TOX3: variants seen among roughly 807,000 people sequenced by gnomAD.
TOX3 encodes CAG trinucleotide repeat-containing gene F9 protein.
Under a neutral mutation model 64.3 loss-of-function variants are expected in TOX3, and 22 were observed. The observed-to-expected ratio is 0.34, with a 90% CI of 0.24 to 0.49. TOX3 has a LOEUF of 0.49. TOX3 is among the 20% of genes least tolerant of loss of function. The probability of loss-of-function intolerance (pLI) is 0.99; values close to 1 mark genes in which losing one functional copy is unlikely to be tolerated. For missense variants in TOX3, 661 were observed against 714.4 expected (o/e 0.93, Z 0.85); for synonymous variants, 291 against 273.6 (o/e 1.06, Z -0.63).
chr16:52,444,136 T>C, intron 6 of TOX3, 140 bp downstream of exon 6: 1 of 574,668 alleles, frequency 1.7e-6, no homozygotes, highest in Non-Finnish European at 3.0e-6. Context: ...TAATCTCTAA[T>C]GGAAACGCCT....
intron 1 of TOX3, among the ~76,000 whole-genome samples, chr16:52,499,316 C>T (rs773267921): frequency 6.6e-6 from 1 of 152,206 alleles, no homozygotes; most frequent in Non-Finnish European, 1.5e-5. Context: ...AAAACCCAGT[C>T]CTTGCAAATT....
chr16:52,532,648 C>T (rs1016278194), intron 1 of TOX3, among the ~76,000 whole-genome samples: 10 of 152,124 alleles, frequency 6.6e-5, no homozygotes, highest in African/African-American at 2.4e-4. Context: ...GTTTATCACT[C>T]GCGATAGATA....
chr16:52,444,127 A>C, intron 6 of TOX3, 149 bp downstream of exon 6: 1 of 532,096 alleles, frequency 1.9e-6, no homozygotes, highest in Non-Finnish European at 3.3e-6. Flanking sequence ...TCACTTGGGT[A>C]ATCTCTAATG....
intron 1 of TOX3, among the ~76,000 whole-genome samples, chr16:52,541,715 T>A (rs1344428162): frequency 6.6e-6 from 1 of 152,214 alleles, no homozygotes. Context: ...ATTGACTTCA[T>A]TTGAAATGAC....
intron 1 of TOX3, among the ~76,000 whole-genome samples, chr16:52,481,420 C>G (rs1451284304): frequency 1.3e-5 from 2 of 152,110 alleles, no homozygotes; most frequent in Non-Finnish European, 2.9e-5. Context: ...TAAATTCTTC[C>G]TTAAGTATTA....
intron 1 of TOX3, among the ~76,000 whole-genome samples, chr16:52,520,117 G>A (rs999610781): frequency 5.9e-5 from 9 of 152,018 alleles, no homozygotes; most frequent in Admixed American, 1.3e-4. Flanking sequence ...ATGAAATATG[G>A]GTATATAAAA....
At chr16:52,533,577 C>A (rs905451583) in intron 1 of TOX3, among the ~76,000 whole-genome samples, 2 of 152,164 alleles carry the variant, frequency 1.3e-5, no homozygotes, top group South Asian at 4.1e-4. Context: ...ACACTGTTTA[C>A]ACCCCTTTTG....
intron 3 of TOX3, among the ~76,000 whole-genome samples, chr16:52,451,080 C>A (rs1452401778): frequency 6.6e-6 from 1 of 152,116 alleles, no homozygotes; most frequent in Admixed American, 6.5e-5. Context: ...AGAGGATGGG[C>A]CAGCAAAGCA....
At chr16:52,524,081 C>A (rs759908975) in intron 1 of TOX3, among the ~76,000 whole-genome samples, 3 of 152,168 alleles carry the variant, frequency 2.0e-5, no homozygotes, top group Non-Finnish European at 2.9e-5. Flanking sequence ...TACTTAGTGA[C>A]TGTCGTCTTT....
At chr16:52,489,359 C>T (rs930341197) in intron 1 of TOX3, among the ~76,000 whole-genome samples, 13 of 152,146 alleles carry the variant, frequency 8.5e-5, no homozygotes, top group Non-Finnish European at 4.4e-5. Context: ...CACCTTTAAG[C>T]CTCCTACAAT....
chr16:52,498,125 T>A (rs941313561), intron 1 of TOX3, among the ~76,000 whole-genome samples: 1 of 152,190 alleles, frequency 6.6e-6, no homozygotes, highest in Non-Finnish European at 1.5e-5. Flanking sequence ...GCTCTCAATG[T>A]ATATGACATT....
intron 1 of TOX3, among the ~76,000 whole-genome samples, chr16:52,537,513 TC>T (rs1160815634): frequency 1.3e-5 from 2 of 152,158 alleles, no homozygotes; most frequent in African/African-American, 4.8e-5. Flanking sequence ...TCCTCAGAAA[TC>T]TTCAAAATCA....
intron 1 of TOX3, among the ~76,000 whole-genome samples, chr16:52,497,794 G>A (rs547140583): frequency 2.0e-5 from 3 of 151,956 alleles, no homozygotes; most frequent in South Asian, 2.1e-4. Flanking sequence ...TTTTTTTAAT[G>A]TTTAGGGCCA....
chr16:52,478,784 A>G (rs1265387500), intron 1 of TOX3, among the ~76,000 whole-genome samples: 2 of 152,136 alleles, frequency 1.3e-5, no homozygotes, highest in Non-Finnish European at 2.9e-5. Flanking sequence ...TAAGGAGGAA[A>G]GCATAGAACT....
intron 2 of TOX3, 84 bp downstream of exon 2, chr16:52,468,425 G>GAT (rs1244067761): frequency 8.1e-7 from 1 of 1,235,274 alleles, no homozygotes; most frequent in African/African-American, 1.5e-5. Flanking sequence ...AGATAAATTT[G>GAT]ATACTTTGTT....
chr16:52,528,743 A>G (rs1278376167), intron 1 of TOX3, among the ~76,000 whole-genome samples: 2 of 152,216 alleles, frequency 1.3e-5, no homozygotes, highest in African/African-American at 4.8e-5. Context: ...TAAACAAACC[A>G]GTGACCCCAA....
chr16:52,459,911 T>TA (rs761695392), intron 3 of TOX3, among the ~76,000 whole-genome samples: 7 of 151,912 alleles, frequency 4.6e-5, no homozygotes, highest in Non-Finnish European at 8.8e-5. Flanking sequence ...AGTATAATAA[T>TA]AAAAAAAACT....
chr16:52,527,794 C>T (rs892096600), intron 1 of TOX3, among the ~76,000 whole-genome samples: 53 of 152,280 alleles, frequency 3.5e-4, no homozygotes, highest in African/African-American at 1.3e-3. Context: ...AATAATTCAT[C>T]CCAGTTAGCA....
chr16:52,545,382 TG>T (rs1963152544), intron 1 of TOX3, among the ~76,000 whole-genome samples: 1 of 152,168 alleles, frequency 6.6e-6, no homozygotes, highest in African/African-American at 2.4e-5. Context: ...GAGACCCTAA[TG>T]GTCTTTTACA....
Sources: gnomAD v4.1 joint callset for allele counts (sites outside exome capture counted in the v4.1 genomes callset) on GRCh38, gnomAD v4.1.1 for gene constraint, MANE v1.5 for transcripts, NCBI Gene and HGNC (gene_info 2026-07-23, HGNC 2026-07-21) for gene names.